Variants in DFFB observed in about 807,000 individuals in gnomAD.
DFFB encodes DNA fragmentation factor 40 kDa subunit.
Under a neutral mutation model 32.7 loss-of-function variants are expected in DFFB, and 29 were observed. That is an observed-to-expected ratio of 0.89 (90% CI 0.66 to 1.21). The LOEUF is 1.21. DFFB is among the 50% of genes most tolerant of loss of function. DFFB has a pLI of 0.00. For missense variants in DFFB, 398 were observed against 440.6 expected (o/e 0.90, Z 0.87); for synonymous variants, 170 against 177.1 (o/e 0.96, Z 0.32).
chr1:3,861,199 A>G (rs1644873736), intron 2 of DFFB, among the ~76,000 whole-genome samples: 1 of 151,220 alleles, frequency 6.6e-6, no homozygotes, highest in South Asian at 2.1e-4. Flanking sequence ...ATCATAAAGT[A>G]TGTGACCTTT....
At position 3,868,015 on chromosome 1, in the gene DFFB, T is replaced by C. The variant is rs1393242930; in HGVS notation, c.472T>C (p.Tyr158His). Residue 158 changes from tyrosine (Y) to histidine (H), a missense_variant, in exon 4 of 7, where the codon TAC (tyrosine) becomes CAC (histidine). Transcript: ENST00000378209. Reference protein sequence around the residue: ...RFQSKSGYLRYSCESRIRSYL... With the variant: ...RFQSKSGYLRHSCESRIRSYL... ...TCAGAGCAAGTCTGGCTATCTGAGA[T>C]ACAGCTGTGAGAGCCGGATCCGGAG... 1.2e-6 allele frequency: 2 copies of C among 1,614,132 alleles called. No homozygotes were observed. Among genetic ancestry groups the C allele is most frequent in the South Asian group, 2.2e-5 (2 of 91,078 alleles).
At chr1:3,883,357 G>A in intron 6 of DFFB, 150 bp from the exon 7 acceptor site, 1 of 721,762 alleles carries the variant, frequency 1.4e-6, no homozygotes, top group Non-Finnish European at 2.2e-6. Context: ...ATCAGGCTCT[G>A]CTCAACAAAC....
chr1:3,870,536 C>T (rs1489014570), intron 5 of DFFB, among the ~76,000 whole-genome samples: 1 of 152,234 alleles, frequency 6.6e-6, no homozygotes, highest in African/African-American at 2.4e-5. Context: ...TCGCTCACCA[C>T]TCAGTGAGTA....
In DFFB at chr1:3,884,943, C is replaced by T. The variant is rs751013112; in HGVS notation, c.*1202C>T. ...GTTGAACAGCTATCACGTTGAACCA[C>T]GTGAAACTGCTGTTTTCTAGGCCAA... On this transcript the variant is annotated 3_prime_UTR_variant, in exon 7 of 7. Coordinates refer to ENST00000378209, the MANE Select transcript of DFFB (RefSeq NM_004402.4). The T allele has an allele frequency of 1.1e-4, 17 of 152,206 alleles. No individual in the cohort carries two copies. Among genetic ancestry groups the T allele is most frequent in the African/African-American group, 3.4e-4 (14 of 41,460 alleles). The allele number at this position is 152,206 out of a possible 1,614,324, so 9.4% of individuals were successfully genotyped here.
At chr1:3,875,033 C>T (rs1040317431) in intron 6 of DFFB, among the ~76,000 whole-genome samples, 4 of 152,136 alleles carry the variant, frequency 2.6e-5, no homozygotes, top group Non-Finnish European at 5.9e-5. Context: ...ACATATGTGG[C>T]GGCCCACGCT....
At position 3,865,719 on chromosome 1, in the gene DFFB, T is replaced by A. The variant is rs774210099; in HGVS notation, c.242-93T>A. On this transcript the variant is annotated intron_variant, in intron 2 of 6. Coordinates refer to ENST00000378209, the MANE Select transcript of DFFB (RefSeq NM_004402.4). This position sits in a 1 kb window ranked among gnomAD's most constrained non-coding sequence, Gnocchi z 4.7. ...CTGGTGATTGCCAGGCCCTGGGGAA[T>A]GGGGGAAGATGTGGTCAGAGGCTCT... is the stretch of plus-strand genomic sequence containing the variant. 6.3e-7 allele frequency: 1 copy of A among 1,594,480 alleles called. No individual in the cohort carries two copies. Among genetic ancestry groups the A allele is most frequent in the Non-Finnish European group, 8.6e-7 (1 of 1,162,402 alleles).
chr1:3,877,397 C>T (rs948096606), intron 6 of DFFB, among the ~76,000 whole-genome samples: 18 of 139,824 alleles, frequency 1.3e-4, no homozygotes, highest in South Asian at 6.9e-4. Flanking sequence ...GGCATGATCT[C>T]GACTCACTGC....
intron 6 of DFFB, among the ~76,000 whole-genome samples, chr1:3,879,398 C>G (rs1049610876): frequency 6.6e-6 from 1 of 152,148 alleles, no homozygotes; most frequent in Admixed American, 6.5e-5. Flanking sequence ...CATCATGTTC[C>G]CCAAGATTCG....
rs1239187209 is a variant in DFFB at position 3,876,376 on chromosome 1, G to T, written c.782+3804G>T. ...GAAAATAGCAGAAGGGACAGCGTGAGTCAGAGGAATGTTTCACCAAGTGTT... is the reference window on the plus strand; with the variant it reads ...GAAAATAGCAGAAGGGACAGCGTGATTCAGAGGAATGTTTCACCAAGTGTT... On this transcript the variant is annotated intron_variant, in intron 6 of 6. Transcript: ENST00000378209. Among the ~76,000 whole-genome samples, 4 of 152,332 alleles carry T rather than the reference G, an allele frequency of 2.6e-5. No individual in the cohort carries two copies. The Middle Eastern group carries it at 0.01, about 389-fold the overall frequency.
rs533759628 is a variant in DFFB at position 3,870,913 on chromosome 1, G to A, written c.681+1138G>A. On this transcript the variant is annotated intron_variant, in intron 5 of 6. Coordinates refer to ENST00000378209, the MANE Select transcript of DFFB (RefSeq NM_004402.4). ...AAGTAGGCACTGGGGCTCCCGGCAC[G>A]TGCTCTGCAGATGTCTGTTCACGAA... 6.6e-5 allele frequency among the ~76,000 whole-genome samples: 10 copies of A among 152,342 alleles called. No homozygotes were observed. The South Asian group carries it at 8.3e-4, about 13-fold the overall frequency.
intron 2 of DFFB, among the ~76,000 whole-genome samples, chr1:3,863,018 A>G (rs1408928672): frequency 6.6e-6 from 1 of 152,130 alleles, no homozygotes; most frequent in African/African-American, 2.4e-5. Context: ...GCGTGGTGGC[A>G]GGCGCCTGTA....
chr1:3,867,079 G>C (rs901563555), intron 3 of DFFB, among the ~76,000 whole-genome samples: 2 of 152,118 alleles, frequency 1.3e-5, no homozygotes, highest in Admixed American at 1.3e-4. Flanking sequence ...TGTATTTTCA[G>C]TAGAGACGGA....
chr1:3,866,331 C>T (rs1485504618), intron 3 of DFFB: 2 of 393,368 alleles, frequency 5.1e-6, no homozygotes, highest in South Asian at 1.9e-5. Context: ...CTCTGCCTCC[C>T]TGCACCCTCT....
At position 3,868,161 on chromosome 1, in the gene DFFB, C is replaced by A. The variant is rs545771611; in HGVS notation, c.510+108C>A. On this transcript the variant is annotated intron_variant, in intron 4 of 6. Coordinates refer to ENST00000378209, the MANE Select transcript of DFFB (RefSeq NM_004402.4). ...ATGGGTAGTTGGTAGGACCACACTC[C>A]GTGCTTGCGTGGATCTGGTGGGGCT... 3.7e-4 allele frequency: 360 copies of A among 974,274 alleles called. 1 individual carries two copies. Among genetic ancestry groups the A allele is most frequent in the Admixed American group, 6.8e-4 (39 of 56,988 alleles). 60.4% of individuals were successfully genotyped at this position (974,274 alleles called of 1,614,324 possible).
At chr1:3,878,621 C>A (rs899295049) in intron 6 of DFFB, among the ~76,000 whole-genome samples, 1 of 152,208 alleles carries the variant, frequency 6.6e-6, no homozygotes, top group Non-Finnish European at 1.5e-5. Context: ...ATCACCCCAC[C>A]CTTTTGTGGT....
intron 6 of DFFB, among the ~76,000 whole-genome samples, chr1:3,881,276 C>G (rs1645332079): frequency 6.6e-6 from 1 of 152,246 alleles, no homozygotes; most frequent in South Asian, 2.1e-4. Flanking sequence ...GAAGGCCCCC[C>G]AGGCCAACCC....
In DFFB at chr1:3,869,726, C is replaced by A; in HGVS notation, c.632C>A (p.Ala211Asp). The A allele has an allele frequency of 6.2e-7, 1 of 1,611,094 alleles. No individual in the cohort carries two copies. Residue 211 changes from alanine to aspartate, a missense_variant, in exon 5 of 7, where the codon GCC (alanine) becomes GAC (aspartate). Transcript: ENST00000378209. ...QYNGSYFDRG[A>D]KGGSRLCTPE... ...AATGGCAGCTACTTCGACAGAGGAGCCAAGGGCGGCAGCCGCCTCTGCACA... is the reference window on the plus strand; with the variant it reads ...AATGGCAGCTACTTCGACAGAGGAGACAAGGGCGGCAGCCGCCTCTGCACA...
intron 6 of DFFB, among the ~76,000 whole-genome samples, chr1:3,882,373 CT>C (rs1014048103): frequency 8.7e-5 from 13 of 148,748 alleles, no homozygotes; most frequent in African/African-American, 2.5e-4. Flanking sequence ...TTTTTGTTTT[CT>C]TTTTTTTTTC....
intron 6 of DFFB, among the ~76,000 whole-genome samples, chr1:3,881,392 C>G (rs1645334377): frequency 6.6e-6 from 1 of 152,238 alleles, no homozygotes; most frequent in Non-Finnish European, 1.5e-5. Context: ...TCAAGCTTTT[C>G]TATCCCCCTT....
Sources: gnomAD v4.1 joint callset for allele counts (sites outside exome capture counted in the v4.1 genomes callset) on GRCh38, gnomAD v4.1.1 for gene constraint, Gnocchi (gnomAD v3.1) non-coding constraint, MANE v1.5 for transcripts, NCBI Gene and HGNC (gene_info 2026-07-23, HGNC 2026-07-21) for gene names.